The following CSNK1G1 variants were observed in gnomAD, a reference collection of about 807,000 sequenced individuals.
CSNK1G1 encodes casein kinase I isoform gamma-1.
CSNK1G1 carries 22 observed loss-of-function variants against 59.6 expected under a neutral mutation model. The ratio of observed to expected loss-of-function variants is 0.37; its 90% CI spans 0.26 to 0.53. The LOEUF is 0.53. Among genes scored for constraint, CSNK1G1 ranks in the 20% least tolerant of loss-of-function variants. The pLI, the probability that CSNK1G1 is intolerant of heterozygous loss-of-function variation, is 0.89. For missense variants in CSNK1G1, 384 were observed against 519.5 expected, an observed-to-expected ratio of 0.74 and a Z score of 2.54; for synonymous variants, 179 against 177.1, an observed-to-expected ratio of 1.01 and a Z score of -0.08.
At chr15:64,349,918 A>T (rs762643572) in intron 1 of CSNK1G1, among the ~76,000 whole-genome samples, 34 of 122,304 alleles carry the variant, frequency 2.8e-4, no homozygotes, top group African/African-American at 1.7e-4. Context: ...TCCAAAAATT[A>T]AAAAAAAAAA....
intron 4 of CSNK1G1, among the ~76,000 whole-genome samples, chr15:64,250,866 A>G (rs771721954): frequency 1.3e-5 from 2 of 152,234 alleles, no homozygotes; most frequent in Non-Finnish European, 2.9e-5. Context: ...AAATAGTGAA[A>G]ATAGCTCTGA....
At chr15:64,314,563 ATT>A (rs1896168416) in intron 1 of CSNK1G1, among the ~76,000 whole-genome samples, 1 of 142,676 alleles carries the variant, frequency 7.0e-6, no homozygotes, top group African/African-American at 2.6e-5. Context: ...GTACCACAGA[ATT>A]AAAAAAAAAA....
At chr15:64,286,397 C>T (rs1381622042) in intron 2 of CSNK1G1, among the ~76,000 whole-genome samples, 1 of 139,240 alleles carries the variant, frequency 7.2e-6, no homozygotes, top group Non-Finnish European at 1.6e-5. Context: ...ATATTGTTAA[C>T]TCATATTGTT....
At chr15:64,263,248 G>A (rs138577854) in intron 2 of CSNK1G1, among the ~76,000 whole-genome samples, 62 of 151,556 alleles carry the variant, frequency 4.1e-4, no homozygotes, top group African/African-American at 1.4e-3. Flanking sequence ...GAGCGCAGTG[G>A]CATGATCTCA....
chr15:64,204,739 C>A, intron 8 of CSNK1G1, 126 bp downstream of exon 8: 1 of 1,154,404 alleles, frequency 8.7e-7, no homozygotes, highest in South Asian at 1.3e-5. Context: ...ATAAAACCTA[C>A]TTTGGTCTGT....
At chr15:64,306,961 T>C (rs914191859) in intron 1 of CSNK1G1, among the ~76,000 whole-genome samples, 3 of 119,412 alleles carry the variant, frequency 2.5e-5, no homozygotes, top group Admixed American at 2.0e-4. Context: ...AGATCAATGG[T>C]TGCCAGATAT....
At chr15:64,266,874 A>C (rs1893016071) in intron 2 of CSNK1G1, among the ~76,000 whole-genome samples, 1 of 152,228 alleles carries the variant, frequency 6.6e-6, no homozygotes, top group Non-Finnish European at 1.5e-5. Flanking sequence ...AAATGAATTA[A>C]AGACTTAAAT....
chr15:64,201,344 G>A (rs541463325), intron 10 of CSNK1G1, among the ~76,000 whole-genome samples: 18 of 151,408 alleles, frequency 1.2e-4, no homozygotes, highest in Non-Finnish European at 1.9e-4. Flanking sequence ...TGTACAATTC[G>A]TAAAATCAAC....
intron 1 of CSNK1G1, among the ~76,000 whole-genome samples, chr15:64,341,685 A>C (rs1024316725): frequency 1.3e-5 from 2 of 152,040 alleles, no homozygotes; most frequent in African/African-American, 4.8e-5. Flanking sequence ...ATGTTGCCCA[A>C]GCTGATCTTG....
intron 10 of CSNK1G1, among the ~76,000 whole-genome samples, chr15:64,186,346 T>C (rs768701896): frequency 2.0e-5 from 3 of 152,092 alleles, no homozygotes; most frequent in African/African-American, 4.8e-5. Context: ...CTCCTGACCT[T>C]GTGATCTGCT....
chr15:64,311,677 G>GAAAA (rs11371950), intron 1 of CSNK1G1, among the ~76,000 whole-genome samples: 202 of 108,116 alleles, frequency 1.9e-3, no homozygotes, highest in South Asian at 3.2e-3. Context: ...TAAAAAAAGT[G>GAAAA]AAAAAAAAAA....
chr15:64,203,416 G>A (rs1244504370), intron 9 of CSNK1G1, among the ~76,000 whole-genome samples: 1 of 152,072 alleles, frequency 6.6e-6, no homozygotes, highest in East Asian at 1.9e-4. Context: ...AAAAAACCAG[G>A]GCCGGGCGCG....
intron 4 of CSNK1G1, among the ~76,000 whole-genome samples, chr15:64,226,491 G>C (rs1401387249): frequency 1.3e-5 from 2 of 152,006 alleles, no homozygotes; most frequent in Non-Finnish European, 2.9e-5. Flanking sequence ...AAGAGGTGGA[G>C]GCTGCAGTGA....
chr15:64,255,123 C>G (rs1364272109), intron 3 of CSNK1G1, among the ~76,000 whole-genome samples: 1 of 152,146 alleles, frequency 6.6e-6, no homozygotes, highest in Non-Finnish European at 1.5e-5. Context: ...GTCACCCAGG[C>G]TGGAGTGCAA....
intron 2 of CSNK1G1, among the ~76,000 whole-genome samples, chr15:64,278,715 C>T (rs893838009): frequency 2.6e-5 from 4 of 152,056 alleles, no homozygotes; most frequent in Admixed American, 2.6e-4. Context: ...CATGAGCCAC[C>T]GTGCCCAGCC....
At chr15:64,281,700 C>T (rs972175254) in intron 2 of CSNK1G1, among the ~76,000 whole-genome samples, 3 of 151,320 alleles carry the variant, frequency 2.0e-5, no homozygotes, top group Non-Finnish European at 2.9e-5. Flanking sequence ...ATTAGCTGGG[C>T]GTGGTGGCGA....
chr15:64,312,904 T>C (rs1254973003), intron 1 of CSNK1G1, among the ~76,000 whole-genome samples: 1 of 151,918 alleles, frequency 6.6e-6, no homozygotes, highest in East Asian at 1.9e-4. Flanking sequence ...TAAACAAATT[T>C]ACAAGAAAAA....
intron 3 of CSNK1G1, among the ~76,000 whole-genome samples, chr15:64,255,603 A>C (rs4776409): frequency 1.2e-4 from 18 of 152,082 alleles, no homozygotes; most frequent in African/African-American, 4.3e-4. Flanking sequence ...AACAAAACTT[A>C]CTTTTCTCAG....
At chr15:64,278,671 C>A (rs943607634) in intron 2 of CSNK1G1, among the ~76,000 whole-genome samples, 1 of 152,120 alleles carries the variant, frequency 6.6e-6, no homozygotes, top group Admixed American at 6.6e-5. Flanking sequence ...TCGTGATCTG[C>A]CCGCCTTGGC....
Sources: allele counts gnomAD v4.1 joint callset (sites outside exome capture counted in the v4.1 genomes callset), GRCh38; gene constraint gnomAD v4.1.1; transcripts MANE v1.5; gene names NCBI Gene and HGNC (gene_info 2026-07-23, HGNC 2026-07-21).